The following PCDHGB4 variants were observed in gnomAD, a reference collection of about 807,000 sequenced individuals.
PCDHGB4 encodes protocadherin gamma-B4.
In PCDHGB4, 38 loss-of-function variants were observed where a neutral mutation model predicts 60.5. The ratio of observed to expected loss-of-function variants is 0.63; its 90% CI spans 0.48 to 0.82. The LOEUF is 0.82. PCDHGB4 is among the 40% of genes least tolerant of loss of function. The pLI is 0.00. For missense variants in PCDHGB4, 1,109 were observed against 1,209.6 expected (o/e 0.92, Z 1.23); for synonymous variants, 456 against 509.7 (o/e 0.89, Z 1.42).
In PCDHGB4 at chr5:141,389,135, T is replaced by C. The variant is rs547733890; in HGVS notation, c.1251T>C (p.Asn417=). 2 of 1,613,982 alleles carry C rather than the reference T, an allele frequency of 1.2e-6. No homozygotes were observed. The highest frequency in any genetic ancestry group is 1.7e-5 in the Admixed American group (1 of 60,028). The stretch of plus-strand genomic sequence containing the variant: ...ACCGCGAGCAGAATCCAGAGTACAA[T>C]ATAACCGTTACGGCAACAGATCGGG... The part of the protein sequence containing the change: ...VLDREQNPEY[N]ITVTATDRGK... Residue 417 remains asparagine (N), a synonymous_variant, in exon 1 of 4, where the codon AAT becomes AAC. Transcript: ENST00000519479.
intron 1 of PCDHGB4, among the ~76,000 whole-genome samples, chr5:141,460,922 ATATGTGTGTGTG>A: frequency 6.6e-6 from 1 of 151,042 alleles, no homozygotes; most frequent in Non-Finnish European, 1.5e-5. Context: ...GTATATATAT[ATATGTGTGTGTG>A]TATATATATG....
In PCDHGB4 at chr5:141,388,923, TTCCAG is replaced by T. The variant is rs1561622090; in HGVS notation, c.1042_1046del (p.Gln348SerfsTer22). ...AAATGACAACGCCCCAGAAGTGATA[TTCCAG>T]TCTCTACCCAACCTAATTATGGAGG... is the stretch of plus-strand genomic sequence containing the variant. On this transcript the variant is annotated frameshift_variant, in exon 1 of 4. Transcript: ENST00000519479. LOFTEE classifies it high-confidence loss of function. 2 of 1,614,002 alleles carry T rather than the reference TTCCAG, an allele frequency of 1.2e-6. No individual in the cohort carries two copies. The highest frequency in any genetic ancestry group is 1.7e-5 in the Admixed American group (1 of 60,028).
chr5:141,432,918 A>C lies in PCDHGB4; in HGVS notation c.2397+42637A>C. ...CTGGCGCTCAGGCTGCGGCGCTGGC[A>C]CAAGTCACGCCTGCTGCAGGCTTCA... On this transcript the variant is annotated intron_variant, in intron 1 of 3. Coordinates refer to ENST00000519479, the MANE Select transcript of PCDHGB4 (RefSeq NM_003736.4). This position sits in a 1 kb window ranked among gnomAD's most constrained non-coding sequence, Gnocchi z 6.0. 1 of 1,614,128 alleles carries C rather than the reference A, an allele frequency of 6.2e-7. No homozygotes were observed. Among genetic ancestry groups the C allele is most frequent in the South Asian group, 1.1e-5 (1 of 91,082 alleles).
At chr5:141,393,559 T>A (rs1349401032) in intron 1 of PCDHGB4, 1 of 1,613,814 alleles carries the variant, frequency 6.2e-7, no homozygotes, top group Non-Finnish European at 8.5e-7. Context: ...ATTTACCGAG[T>A]GAAAGTCCTT....
chr5:141,396,996 C>G (rs1435849865), intron 1 of PCDHGB4, among the ~76,000 whole-genome samples: 1 of 152,218 alleles, frequency 6.6e-6, no homozygotes, highest in Non-Finnish European at 1.5e-5. Context: ...TTTTATTAAT[C>G]TGACAAATGG....
At chr5:141,415,315 G>A (rs201784236) in intron 1 of PCDHGB4, 2 of 1,614,220 alleles carry the variant, frequency 1.2e-6, no homozygotes, top group Middle Eastern at 1.6e-4. Context: ...CTTCGTCATC[G>A]TGCTGCTGGC....
chr5:141,413,926 T>C, intron 1 of PCDHGB4: 4 of 1,613,380 alleles, frequency 2.5e-6, no homozygotes, highest in Non-Finnish European at 3.4e-6. Flanking sequence ...CTTGCCAGAA[T>C]ACCGAGTGAG....
At chr5:141,423,227 A>C (rs1305722929) in intron 1 of PCDHGB4, 5 of 1,613,634 alleles carry the variant, frequency 3.1e-6, no homozygotes, top group Non-Finnish European at 2.5e-6. Context: ...GCTGTGGCCG[A>C]CAGCATCCCC....
intron 1 of PCDHGB4, chr5:141,414,754 G>A: frequency 6.2e-7 from 1 of 1,614,190 alleles, no homozygotes; most frequent in Non-Finnish European, 8.5e-7. Flanking sequence ...CTTCGACTAT[G>A]AGCAGTTTCA....
At chr5:141,403,509 A>G in intron 1 of PCDHGB4, 1 of 1,614,002 alleles carries the variant, frequency 6.2e-7, no homozygotes, top group Non-Finnish European at 8.5e-7. Context: ...CAGACTGGAG[A>G]CAATGGAGCC....
chr5:141,389,771 C>T lies in PCDHGB4; in HGVS notation c.1887C>T (p.Ala629=), dbSNP rs1239854891. 4 of 1,613,088 alleles carry T rather than the reference C, an allele frequency of 2.5e-6. No homozygotes were observed. The Admixed American group carries it at 5.0e-5, about 20-fold the overall frequency. ...LRTGEVRTAR[A]LGDRDAVRQR... ...CGGGCGAAGTGCGCACAGCGCGTGC[C>T]TTAGGCGACAGGGACGCCGTCCGCC... is the stretch of plus-strand genomic sequence containing the variant. The change falls in exon 1 of 4, where the codon GCC becomes GCT. Residue 629 remains alanine, a synonymous_variant. Coordinates refer to ENST00000519479, the MANE Select transcript of PCDHGB4 (RefSeq NM_003736.4).
Position 141,476,658 on chromosome 5 carries a change from C to A in PCDHGB4, c.2398-18149C>A, listed in dbSNP as rs182518072. On this transcript the variant is annotated intron_variant, in intron 1 of 3. Transcript: ENST00000519479. The surrounding 1 kb of genome is among the most constrained non-coding windows in gnomAD (Gnocchi z 7.6). ...GAGCTGAGCCGAAATGAATACTTTGCGCTTCGCGTGCAGACGCGGGAGGAC... is the reference window on the plus strand; with the variant it reads ...GAGCTGAGCCGAAATGAATACTTTGAGCTTCGCGTGCAGACGCGGGAGGAC... 2 of 1,614,244 alleles carry A rather than the reference C, an allele frequency of 1.2e-6. No homozygotes were observed. The highest frequency in any genetic ancestry group is 2.2e-5 in the East Asian group (1 of 44,878).
chr5:141,429,638 A>G (rs2097231013), intron 1 of PCDHGB4, among the ~76,000 whole-genome samples: 1 of 152,238 alleles, frequency 6.6e-6, no homozygotes, highest in African/African-American at 2.4e-5. Flanking sequence ...ACAGCTACCT[A>G]TATATTTCTT....
chr5:141,482,981 A>C (rs1377809325), intron 1 of PCDHGB4, among the ~76,000 whole-genome samples: 1 of 150,250 alleles, frequency 6.7e-6, no homozygotes, highest in Non-Finnish European at 1.5e-5. Context: ...GCTACTTGAG[A>C]GGTCGAGGCA....
At position 141,477,131 on chromosome 5, in the gene PCDHGB4, TTGG is replaced by T; in HGVS notation, c.2398-17672_2398-17670del. 1 of 1,614,130 alleles carries T rather than the reference TTGG, an allele frequency of 6.2e-7. No individual in the cohort carries two copies. The highest frequency in any genetic ancestry group is 8.5e-7 in the Non-Finnish European group (1 of 1,180,014). On this transcript the variant is annotated intron_variant, in intron 1 of 3. Transcript: ENST00000519479. The surrounding 1 kb of genome is among the most constrained non-coding windows in gnomAD (Gnocchi z 4.9). The stretch of plus-strand genomic sequence containing the variant: ...TCCCGAAGGAGCACATTGCAAAGTG[TTGG>T]TGGAGGTTGTGGATGTGAATGACAA...
At position 141,486,891 on chromosome 5, in the gene PCDHGB4, G is replaced by C. The variant is rs201201426; in HGVS notation, c.2398-7916G>C. On this transcript the variant is annotated intron_variant, in intron 1 of 3. Transcript: ENST00000519479. This position sits in a 1 kb window ranked among gnomAD's most constrained non-coding sequence, Gnocchi z 5.0. ...GTGCTCCGTCCTCGGGCCCGGCCTGGTTCCTTATGTCCCCAAGCACTGCCT... is the reference window on the plus strand; with the variant it reads ...GTGCTCCGTCCTCGGGCCCGGCCTGCTTCCTTATGTCCCCAAGCACTGCCT... 14 of 1,614,118 alleles carry C rather than the reference G, an allele frequency of 8.7e-6. No homozygotes were observed. The highest frequency in any genetic ancestry group is 3.3e-5 in the Admixed American group (2 of 60,008).
intron 1 of PCDHGB4, chr5:141,422,432 A>T: frequency 6.2e-7 from 1 of 1,609,448 alleles, no homozygotes; most frequent in South Asian, 1.1e-5. Context: ...TATGGAAATT[A>T]TTACAAATTG....
intron 1 of PCDHGB4, chr5:141,398,655 A>G (rs760602313): frequency 3.1e-6 from 5 of 1,614,034 alleles, no homozygotes; most frequent in Non-Finnish European, 4.2e-6. Context: ...CTCTTAACCC[A>G]AGTTTCTCAT....
intron 1 of PCDHGB4, among the ~76,000 whole-genome samples, chr5:141,463,318 C>A (rs2099056713): frequency 6.6e-6 from 1 of 151,878 alleles, no homozygotes; most frequent in East Asian, 1.9e-4. Flanking sequence ...ATATCTATTC[C>A]TCAACTCAGC....
Sources: gnomAD v4.1 joint callset for allele counts (sites outside exome capture counted in the v4.1 genomes callset) on GRCh38, gnomAD v4.1.1 for gene constraint, Gnocchi (gnomAD v3.1) non-coding constraint, MANE v1.5 for transcripts, NCBI Gene and HGNC (gene_info 2026-07-23, HGNC 2026-07-21) for gene names.